H3-3B: variants seen among roughly 807,000 people sequenced by gnomAD.
The protein encoded by H3-3B is H3.3 histone B.
H3-3B carries 2 observed loss-of-function variants against 13.1 expected under a neutral mutation model. That is an observed-to-expected ratio of 0.15 (90% CI 0.06 to 0.48). The LOEUF is 0.48. H3-3B is among the 20% of genes least tolerant of loss of function. The pLI is 0.97. For missense variants in H3-3B, 39 were observed against 186.0 expected, an observed-to-expected ratio of 0.21 and a Z score of 4.60; for synonymous variants, 133 against 75.8, an observed-to-expected ratio of 1.76 and a Z score of -3.92.
Position 75,779,036 on chromosome 17 carries a change from G to T in H3-3B, c.128+11C>A, listed in dbSNP as rs765100412. Reference sequence around the variant, plus strand: ...GCCACCGCCGGGCCATTGTTCCCCCGCCCGACCTACCTGTAGCGATGAGGC... The same window carrying T: ...GCCACCGCCGGGCCATTGTTCCCCCTCCCGACCTACCTGTAGCGATGAGGC... On this transcript the variant is annotated intron_variant, in intron 2 of 3. Coordinates refer to ENST00000254810, the MANE Select transcript of H3-3B (RefSeq NM_005324.5). 2 of 1,609,546 alleles carry T rather than the reference G, an allele frequency of 1.2e-6. No homozygotes were observed. Among genetic ancestry groups the T allele is most frequent in the Middle Eastern group, 1.7e-4 (1 of 6,048 alleles).
In H3-3B at chr17:75,777,278, G is replaced by A. The variant is rs991108421; in HGVS notation, c.*1317C>T. 20 of 152,270 alleles carry A rather than the reference G, an allele frequency of 1.3e-4. No individual in the cohort carries two copies. Among genetic ancestry groups the A allele is most frequent in the Middle Eastern group, 3.4e-3 (1 of 294 alleles). 9.4% of individuals were successfully genotyped at this position (152,270 alleles called of 1,614,324 possible). A position where few individuals can be genotyped will look rare whatever the true frequency, so the allele number is the denominator to read the frequency against. ...CACACTGCAAATACAGCACTATTAT[G>A]GCATCTTAATCAAGCAGAGAGCTGT... On this transcript the variant is annotated 3_prime_UTR_variant, in exon 4 of 4. Transcript: ENST00000254810.
Position 75,777,427 on chromosome 17 carries a change from T to C in H3-3B, c.*1168A>G, listed in dbSNP as rs553727177. ...CTAGATAATGGGACATGTGAAAACT[T>C]AGTACATTCAATTTAGGTTTTGGAC... On this transcript the variant is annotated 3_prime_UTR_variant, in exon 4 of 4. Transcript: ENST00000254810. 3 of 152,778 alleles carry C rather than the reference T, an allele frequency of 2.0e-5. No individual in the cohort carries two copies. Among genetic ancestry groups the C allele is most frequent in the South Asian group, 2.1e-4 (1 of 4,828 alleles). 9.5% of individuals were successfully genotyped at this position (152,778 alleles called of 1,614,324 possible). A position where few individuals can be genotyped will look rare whatever the true frequency, so the allele number is the denominator to read the frequency against.
At chr17:75,779,426 C>T (rs754173659) in intron 1 of H3-3B, 9 of 336,776 alleles carry the variant, frequency 2.7e-5, no homozygotes, top group African/African-American at 8.5e-5. Context: ...CCTTCCTCGA[C>T]GGGCGGAGGC....
rs1327849091 is a variant in H3-3B at position 75,779,163 on chromosome 17, G to A, written c.12C>T (p.Thr4=). 6 of 1,550,628 alleles carry A rather than the reference G, an allele frequency of 3.9e-6. No homozygotes were observed. The highest frequency in any genetic ancestry group is 1.8e-4 in the Middle Eastern group (1 of 5,706). Residue 4 remains threonine, a synonymous_variant, in exon 2 of 4, where the codon ACC becomes ACT. Coordinates refer to ENST00000254810, the MANE Select transcript of H3-3B (RefSeq NM_005324.5). ...CGGTGGACTTACGAGCAGTCTGCTT[G>A]GTTCGGGCCATTTTCTTTCACCTAA... is the stretch of plus-strand genomic sequence containing the variant. The part of the protein sequence containing the change: MAR[T]KQTARKSTGG...
chr17:75,776,733 C>G lies in H3-3B; in HGVS notation c.*1862G>C, dbSNP rs953843821. On this transcript the variant is annotated 3_prime_UTR_variant, in exon 4 of 4. Transcript: ENST00000254810. The stretch of plus-strand genomic sequence containing the variant: ...CTAGTGTCACCCACTTGGGTTGTCA[C>G]AGGTAGTAAGCAGAAGCTAACTCAT... 23 of 152,242 alleles carry G rather than the reference C, an allele frequency of 1.5e-4. No homozygotes were observed. Among genetic ancestry groups the G allele is most frequent in the Non-Finnish European group, 1.5e-5 (1 of 68,058 alleles). The allele number at this position is 152,242 out of a possible 1,614,324, so 9.4% of individuals were successfully genotyped here.
Position 75,778,806 on chromosome 17 carries a change from T to C in H3-3B, c.282+4A>G. 6.2e-7 allele frequency: 1 copy of C among 1,614,100 alleles called. No homozygotes were observed. The highest frequency in any genetic ancestry group is 8.5e-7 in the Non-Finnish European group (1 of 1,179,990). Reference sequence around the variant, plus strand: ...CCTCCCCCGGCTCCAGGCCTTTGTCTTACCTGCAGCGCACCGATGGCTGCG... The same window carrying C: ...CCTCCCCCGGCTCCAGGCCTTTGTCCTACCTGCAGCGCACCGATGGCTGCG... On this transcript the variant is annotated splice_donor_region_variant and intron_variant, in intron 3 of 3. Transcript: ENST00000254810.
At chr17:75,779,504 G>A (rs60700976) in intron 1 of H3-3B, 153 bp downstream of exon 1, 19,783 of 199,602 alleles carry the variant, frequency 0.099, 1,218 homozygotes, top group Non-Finnish European at 0.13. Flanking sequence ...ACACAGTTCC[G>A]GAACAAAGCC....
At position 75,778,588 on chromosome 17, in the gene H3-3B, CCTTCA is replaced by C. The variant is rs763854444; in HGVS notation, c.*2_*6del. On this transcript the variant is annotated 3_prime_UTR_variant, in exon 4 of 4. Coordinates refer to ENST00000254810, the MANE Select transcript of H3-3B (RefSeq NM_005324.5). Reference sequence around the variant, plus strand: ...TTACTACAAAACGCCATAAAAACTGCCTTCACTTAAGCTCTCTCTCCCCGTATCCG... The same window carrying C: ...TTACTACAAAACGCCATAAAAACTGCCTTAAGCTCTCTCTCCCCGTATCCG... The C allele has an allele frequency of 5.6e-6, 9 of 1,606,866 alleles. No individual in the cohort carries two copies. Among genetic ancestry groups the C allele is most frequent in the South Asian group, 1.1e-5 (1 of 89,426 alleles).
rs2061642104 is a variant in H3-3B at position 75,777,191 on chromosome 17, T to G, written c.*1404A>C. The G allele has an allele frequency of 6.6e-6, 1 of 152,062 alleles. No individual in the cohort carries two copies. The highest frequency in any genetic ancestry group is 2.4e-5 in the African/African-American group (1 of 41,348). 9.4% of individuals were successfully genotyped at this position (152,062 alleles called of 1,614,324 possible). ...AAGACTGAGTTCTACACCTGTGGGC[T>G]TCTACACTACGGAACGGGAGTGGGG... On this transcript the variant is annotated 3_prime_UTR_variant, in exon 4 of 4. Transcript: ENST00000254810.
chr17:75,779,124 G>A lies in H3-3B; in HGVS notation c.51C>T (p.Pro17=), dbSNP rs762748626. The A allele has an allele frequency of 8.1e-6, 13 of 1,603,646 alleles. No homozygotes were observed. Among genetic ancestry groups the A allele is most frequent in the South Asian group, 2.2e-5 (2 of 90,484 alleles). The change falls in exon 2 of 4, where the codon CCC becomes CCT. Residue 17 remains proline, a synonymous_variant. Transcript: ENST00000254810. Reference sequence around the variant, plus strand: ...CGGCTTTCGTGGCCAGCTGTTTGCGGGGGGCTTTCCCACCGGTGGACTTAC... The same window carrying A: ...CGGCTTTCGTGGCCAGCTGTTTGCGAGGGGCTTTCCCACCGGTGGACTTAC... ...TARKSTGGKA[P]RKQLATKAAR...
Position 75,778,585 on chromosome 17 carries a change from C to A in H3-3B, c.*10G>T. On this transcript the variant is annotated 3_prime_UTR_variant, in exon 4 of 4. Coordinates refer to ENST00000254810, the MANE Select transcript of H3-3B (RefSeq NM_005324.5). ...AATTTACTACAAAACGCCATAAAAA[C>A]TGCCTTCACTTAAGCTCTCTCTCCC... 6.2e-7 allele frequency: 1 copy of A among 1,603,852 alleles called. No homozygotes were observed.
At chr17:75,779,443 G>A (rs1254174629) in intron 1 of H3-3B, 3 of 311,490 alleles carry the variant, frequency 9.6e-6, no homozygotes, top group East Asian at 5.0e-5. Context: ...AGGCCCGACT[G>A]CCCGGAACCC....
In H3-3B at chr17:75,778,420, G is replaced by A. The variant is rs781292335; in HGVS notation, c.*175C>T. The A allele has an allele frequency of 2.7e-5, 22 of 826,562 alleles. No homozygotes were observed. The highest frequency in any genetic ancestry group is 8.5e-5 in the Admixed American group (3 of 35,464). 51.2% of individuals were successfully genotyped at this position (826,562 alleles called of 1,614,324 possible). On this transcript the variant is annotated 3_prime_UTR_variant, in exon 4 of 4. Transcript: ENST00000254810. ...CAACTTGTCACTCCTGAGCAACAGTGCTCACATCACTGAGGTCTGTGAACA... is the reference window on the plus strand; with the variant it reads ...CAACTTGTCACTCCTGAGCAACAGTACTCACATCACTGAGGTCTGTGAACA...
intron 1 of H3-3B, 149 bp downstream of exon 1, chr17:75,779,508 C>T (rs1307539580): frequency 5.2e-6 from 1 of 193,136 alleles, no homozygotes; most frequent in Non-Finnish European, 1.1e-5. Context: ...AGTTCCGGAA[C>T]AAAGCCCCAA....
In H3-3B at chr17:75,779,226, G is replaced by A. The variant is rs749225014; in HGVS notation, c.-10-42C>T. 4 of 1,446,472 alleles carry A rather than the reference G, an allele frequency of 2.8e-6. No homozygotes were observed. The South Asian group carries it at 4.5e-5, about 16-fold the overall frequency. 89.6% of individuals were successfully genotyped at this position (1,446,472 alleles called of 1,614,324 possible). ...GAAGATAAGGCCGCCGCGCTCACCCGGGCCGCCCCCCAGGGCTGCGGGGGG... is the reference window on the plus strand; with the variant it reads ...GAAGATAAGGCCGCCGCGCTCACCCAGGCCGCCCCCCAGGGCTGCGGGGGG... On this transcript the variant is annotated intron_variant, in intron 1 of 3. Coordinates refer to ENST00000254810, the MANE Select transcript of H3-3B (RefSeq NM_005324.5).
In H3-3B at chr17:75,778,740, C is replaced by T. The variant is rs761288980; in HGVS notation, c.283-17G>A. On this transcript the variant is annotated splice_polypyrimidine_tract_variant and intron_variant, in intron 3 of 3. Transcript: ENST00000254810. ...GCTAGCCTCCTGTTGAGGACGAGAGCCGCACTATTAATCCCACTCGGGGAG... is the reference window on the plus strand; with the variant it reads ...GCTAGCCTCCTGTTGAGGACGAGAGTCGCACTATTAATCCCACTCGGGGAG... 7 of 1,614,160 alleles carry T rather than the reference C, an allele frequency of 4.3e-6. No homozygotes were observed. Among genetic ancestry groups the T allele is most frequent in the Middle Eastern group, 1.6e-4 (1 of 6,062 alleles).
chr17:75,776,755 TC>T lies in H3-3B; in HGVS notation c.*1839del, dbSNP rs2061639302. The T allele has an allele frequency of 6.6e-6, 1 of 152,214 alleles. No homozygotes were observed. The highest frequency in any genetic ancestry group is 1.5e-5 in the Non-Finnish European group (1 of 68,054). The allele number at this position is 152,214 out of a possible 1,614,324, so 9.4% of individuals were successfully genotyped here. A position where few individuals can be genotyped will look rare whatever the true frequency, so the allele number is the denominator to read the frequency against. On this transcript the variant is annotated 3_prime_UTR_variant, in exon 4 of 4. Transcript: ENST00000254810. Reference sequence around the variant, plus strand: ...TCACAGGTAGTAAGCAGAAGCTAACTCATCACCGTAGCCAGGTTTGTGTACT... The same window carrying T: ...TCACAGGTAGTAAGCAGAAGCTAACTATCACCGTAGCCAGGTTTGTGTACT...
chr17:75,778,766 C>T (rs1304523512), intron 3 of H3-3B, 43 bp from the exon 4 acceptor site: 2 of 1,614,120 alleles, frequency 1.2e-6, no homozygotes, highest in Non-Finnish European at 1.7e-6. Flanking sequence ...ACTCGGGGAG[C>T]GGAAACCGCC....
chr17:75,776,998 C>A lies in H3-3B; in HGVS notation c.*1597G>T, dbSNP rs1329820294. 1.3e-5 allele frequency: 2 copies of A among 152,160 alleles called. No homozygotes were observed. Among genetic ancestry groups the A allele is most frequent in the Admixed American group, 1.3e-4 (2 of 15,258 alleles). The allele number at this position is 152,160 out of a possible 1,614,324, so 9.4% of individuals were successfully genotyped here. ...CCAAAATATCACATTTGAAACTAAC[C>A]CAAACTTTTGAGAAAGCAATTTTAA... On this transcript the variant is annotated 3_prime_UTR_variant, in exon 4 of 4. Coordinates refer to ENST00000254810, the MANE Select transcript of H3-3B (RefSeq NM_005324.5).
Sources: allele counts gnomAD v4.1 joint callset, GRCh38; gene constraint gnomAD v4.1.1; transcripts MANE v1.5; gene names NCBI Gene and HGNC (gene_info 2026-07-23, HGNC 2026-07-21).